Variants in CBX7 observed in about 807,000 individuals in gnomAD.
CBX7 encodes the protein chromobox 7.
In CBX7, 14 loss-of-function variants were observed where a neutral mutation model predicts 31.4. The observed-to-expected ratio is 0.45, with a 90% confidence interval of 0.29 to 0.70. CBX7 has a LOEUF of 0.70. CBX7 is among the 30% of genes least tolerant of loss of function. The probability of loss-of-function intolerance (pLI) is 0.11; values close to 1 mark genes in which losing one functional copy is unlikely to be tolerated. For missense variants in CBX7, 269 were observed against 351.9 expected, an observed-to-expected ratio of 0.76 and a Z score of 1.89; for synonymous variants, 159 against 152.6, an observed-to-expected ratio of 1.04 and a Z score of -0.31.
At chr22:39,138,584 G>A (rs1377161001) in intron 4 of CBX7, 52 bp downstream of exon 4, 2 of 1,534,578 alleles carry the variant, frequency 1.3e-6, no homozygotes, top group African/African-American at 2.7e-5. Context: ...GGGCAGAGGG[G>A]GACTTGGGGT....
intron 3 of CBX7, 29 bp downstream of exon 3, chr22:39,141,342 C>T (rs1930447822): frequency 6.3e-7 from 1 of 1,598,724 alleles, no homozygotes; most frequent in African/African-American, 1.3e-5. Context: ...GGCCCTAAGC[C>T]CCACCCGGCG....
At chr22:39,142,267 C>T (rs1041144570) in intron 2 of CBX7, among the ~76,000 whole-genome samples, 4 of 152,164 alleles carry the variant, frequency 2.6e-5, no homozygotes, top group Non-Finnish European at 5.9e-5. Context: ...GTCGTCAGCG[C>T]ACTGTGTTTG....
rs1924073817 is a variant in CBX7 at position 39,148,641 on chromosome 22, G to C, written c.113+1148C>G. On this transcript the variant is annotated intron_variant, in intron 2 of 5. Transcript: ENST00000216133. Reference sequence around the variant, plus strand: ...TTCGGGAAGGGAGAACTGAAGTGGGGGTTGGTGTGAGGGGTGGAGTGTATT... The same window carrying C: ...TTCGGGAAGGGAGAACTGAAGTGGGCGTTGGTGTGAGGGGTGGAGTGTATT... 2.0e-5 allele frequency: 3 copies of C among 152,300 alleles called. No homozygotes were observed. In the South Asian group the frequency reaches 6.2e-4, roughly 31 times the overall value. The allele number at this position is 152,300 out of a possible 1,614,324, so 9.4% of individuals were successfully genotyped here.
In CBX7 at chr22:39,152,090, A is replaced by C. The variant is rs1249818817; in HGVS notation, c.69+286T>G. ...CTCAGTCTCCCCATATTTACAATAAAAGGGGAGCGAGGTGGGATGGCGCTG... is the reference window on the plus strand; with the variant it reads ...CTCAGTCTCCCCATATTTACAATAACAGGGGAGCGAGGTGGGATGGCGCTG... On this transcript the variant is annotated intron_variant, in intron 1 of 5. Coordinates refer to ENST00000216133, the MANE Select transcript of CBX7 (RefSeq NM_175709.5). The surrounding 1 kb of genome is among the most constrained non-coding windows in gnomAD (Gnocchi z 4.9). 6.6e-6 allele frequency among the ~76,000 whole-genome samples: 1 copy of C among 152,136 alleles called. No individual in the cohort carries two copies. Among genetic ancestry groups the C allele is most frequent in the African/African-American group, 2.4e-5 (1 of 41,434 alleles).
rs1298055886 is a variant in CBX7 at position 39,152,355 on chromosome 22, G to A, written c.69+21C>T. On this transcript the variant is annotated intron_variant, in intron 1 of 5. Transcript: ENST00000216133. The surrounding 1 kb of genome is among the most constrained non-coding windows in gnomAD (Gnocchi z 4.9). ...GAGGGACCCCACTGGGGTCCTGGGAGCCGCCCCCGGGCAGCCTCACCTTCC... is the reference window on the plus strand; with the variant it reads ...GAGGGACCCCACTGGGGTCCTGGGAACCGCCCCCGGGCAGCCTCACCTTCC... 3 of 1,378,140 alleles carry A rather than the reference G, an allele frequency of 2.2e-6. No homozygotes were observed. In the Admixed American group the frequency reaches 8.3e-5, roughly 38 times the overall value. 85.4% of individuals were successfully genotyped at this position (1,378,140 alleles called of 1,614,324 possible). A position where few individuals can be genotyped will look rare whatever the true frequency, so the allele number is the denominator to read the frequency against.
At chr22:39,137,093 C>T (rs989546686) in intron 4 of CBX7, among the ~76,000 whole-genome samples, 1 of 152,180 alleles carries the variant, frequency 6.6e-6, no homozygotes, top group African/African-American at 2.4e-5. Context: ...ACCCATTTTA[C>T]AGGTGAAGAG....
chr22:39,134,652 C>T lies in CBX7; in HGVS notation c.347G>A (p.Gly116Glu), dbSNP rs1198351639. The T allele has an allele frequency of 1.9e-6, 3 of 1,588,654 alleles. No individual in the cohort carries two copies. The highest frequency in any genetic ancestry group is 2.6e-6 in the Non-Finnish European group (3 of 1,167,338). Residue 116 changes from glycine (G) to glutamate (E), a missense_variant, in exon 5 of 6, where the codon GGG becomes GAG. By Grantham distance (98) the Gly-to-Glu change is moderately conservative. Transcript: ENST00000216133. ...TCPLGSGSPE[G>E]VVKAGAPELV... ...CTCAGGTGCCCCCGCCTTGACCACC[C>T]CCTCAGGGCTCCCGCTGCCGAGTGG...
intron 2 of CBX7, among the ~76,000 whole-genome samples, chr22:39,143,690 TAGA>T: frequency 6.6e-6 from 1 of 152,374 alleles, no homozygotes; most frequent in South Asian, 2.1e-4. Context: ...GGAAGTGCTC[TAGA>T]AGGTGTCCCA....
At chr22:39,137,338 TTG>T (rs1347495560) in intron 4 of CBX7, among the ~76,000 whole-genome samples, 1 of 40,828 alleles carries the variant, frequency 2.4e-5, no homozygotes, top group Non-Finnish European at 4.7e-5. Flanking sequence ...CTTGTTTTTC[TTG>T]TTGGGGTGGG....
Position 39,138,560 on chromosome 22 carries a change from G to A in CBX7, c.246+76C>T, listed in dbSNP as rs909316497. 4 of 1,356,440 alleles carry A rather than the reference G, an allele frequency of 2.9e-6. No individual in the cohort carries two copies. The Admixed American group carries it at 5.0e-5, about 17-fold the overall frequency. 84.0% of individuals were successfully genotyped at this position (1,356,440 alleles called of 1,614,324 possible). ...ACACAGATCAGCTCAATCAGCCAGT[G>A]CAAATGCACCAAGGGGCAGAGGGGG... On this transcript the variant is annotated intron_variant, in intron 4 of 5. Coordinates refer to ENST00000216133, the MANE Select transcript of CBX7 (RefSeq NM_175709.5).
Position 39,138,685 on chromosome 22 carries a change from G to C in CBX7, c.197C>G (p.Ala66Gly), listed in dbSNP as rs758928846. Reference sequence around the variant, plus strand: ...CGGACCTCTCTTCCTATACCCCGATGCTCGGTCTCTCTCCTCCCTGGGGTG... The same window carrying C: ...CGGACCTCTCTTCCTATACCCCGATCCTCGGTCTCTCTCCTCCCTGGGGTG... Reference protein sequence around the residue: ...AYEEKEERDRASGYRKRGPKP... With the variant: ...AYEEKEERDRGSGYRKRGPKP... Residue 66 changes from alanine to glycine, a missense_variant, in exon 4 of 6, where the codon GCA (alanine) becomes GGA (glycine). Transcript: ENST00000216133. The C allele has an allele frequency of 1.2e-6, 2 of 1,614,178 alleles. No individual in the cohort carries two copies. Among genetic ancestry groups the C allele is most frequent in the Non-Finnish European group, 1.7e-6 (2 of 1,180,008 alleles).
At position 39,132,824 on chromosome 22, in the gene CBX7, A is replaced by G. The variant is rs951956660; in HGVS notation, c.*1067T>C. 1.3e-5 allele frequency: 2 copies of G among 152,694 alleles called. No individual in the cohort carries two copies. The highest frequency in any genetic ancestry group is 4.8e-5 in the African/African-American group (2 of 41,424). The allele number at this position is 152,694 out of a possible 1,614,324, so 9.5% of individuals were successfully genotyped here. On this transcript the variant is annotated 3_prime_UTR_variant, in exon 6 of 6. Coordinates refer to ENST00000216133, the MANE Select transcript of CBX7 (RefSeq NM_175709.5). Reference sequence around the variant, plus strand: ...AAAAGAGGGGAATTGGAAGGGCTGAAAAGTCACCTGAGTCAGAAAGAACAA... The same window carrying G: ...AAAAGAGGGGAATTGGAAGGGCTGAGAAGTCACCTGAGTCAGAAAGAACAA...
At chr22:39,142,351 C>CTTCAGTG (rs1404383243) in intron 2 of CBX7, among the ~76,000 whole-genome samples, 4 of 152,206 alleles carry the variant, frequency 2.6e-5, no homozygotes, top group Non-Finnish European at 5.9e-5. Flanking sequence ...TCAGTGCACC[C>CTTCAGTG]CACCCAGGCC....
intron 2 of CBX7, among the ~76,000 whole-genome samples, chr22:39,145,798 G>C (rs954500898): frequency 6.7e-6 from 1 of 149,482 alleles, no homozygotes; most frequent in Non-Finnish European, 1.5e-5. Context: ...TCCCCGCCCC[G>C]CCCCACGGCC....
chr22:39,134,899 CCA>C, intron 4 of CBX7, 147 bp from the exon 5 acceptor site: 1 of 617,588 alleles, frequency 1.6e-6, no homozygotes, highest in Non-Finnish European at 2.8e-6. Context: ...GGCCATCACC[CCA>C]CCCCACCCCA....
In CBX7 at chr22:39,141,358, G is replaced by A. The variant is rs777369609; in HGVS notation, c.179+13C>T. ...GCCCTAAGCCCCACCCGGCGGTGCC[G>A]AGGACACCGTACTTCTCCTCGTAGG... On this transcript the variant is annotated intron_variant, in intron 3 of 5. Transcript: ENST00000216133. 19 of 1,607,888 alleles carry A rather than the reference G, an allele frequency of 1.2e-5. No homozygotes were observed. The highest frequency in any genetic ancestry group is 7.8e-5 in the South Asian group (7 of 89,936).
chr22:39,142,674 A>G (rs1930502349), intron 2 of CBX7, among the ~76,000 whole-genome samples: 1 of 152,250 alleles, frequency 6.6e-6, no homozygotes, highest in South Asian at 2.1e-4. Context: ...AATTATTTTA[A>G]AAGCAAACTA....
chr22:39,139,179 C>G (rs1353536564), intron 3 of CBX7, among the ~76,000 whole-genome samples: 1 of 152,222 alleles, frequency 6.6e-6, no homozygotes, highest in African/African-American at 2.4e-5. Flanking sequence ...CTCTGTGAAC[C>G]TGGGAGAGCG....
chr22:39,142,283 G>A (rs1168208146), intron 2 of CBX7, among the ~76,000 whole-genome samples: 1 of 152,166 alleles, frequency 6.6e-6, no homozygotes, highest in South Asian at 2.1e-4. Context: ...GTTTGCTGCT[G>A]TTGCTGTTCC....
Sources: allele counts gnomAD v4.1 joint callset (sites outside exome capture counted in the v4.1 genomes callset), GRCh38; gene constraint gnomAD v4.1.1; non-coding constraint Gnocchi (gnomAD v3.1); transcripts MANE v1.5; gene names NCBI Gene and HGNC (gene_info 2026-07-23, HGNC 2026-07-21).